RSRC1: variants seen among roughly 807,000 people sequenced by gnomAD.
RSRC1 encodes the protein serine/Arginine-related protein 53.
In RSRC1, 39 loss-of-function variants were observed where a neutral mutation model predicts 49.1. The observed-to-expected ratio is 0.79, with a 90% CI of 0.61 to 1.04. The LOEUF is 1.04. Among genes scored for constraint, RSRC1 ranks in the 50% least tolerant of loss-of-function variants. The pLI is 0.00. For missense variants in RSRC1, 388 were observed against 402.4 expected (o/e 0.96, Z 0.31); for synonymous variants, 143 against 130.8 (o/e 1.09, Z -0.63).
intron 6 of RSRC1, among the ~76,000 whole-genome samples, chr3:158,387,422 A>G (rs1733025969): frequency 6.6e-6 from 1 of 152,168 alleles, no homozygotes; most frequent in African/African-American, 2.4e-5. Context: ...GAAACAGCCT[A>G]TCAGTCAAAT....
chr3:158,313,082 T>C (rs1008721892), intron 5 of RSRC1, among the ~76,000 whole-genome samples: 4 of 152,140 alleles, frequency 2.6e-5, no homozygotes, highest in Non-Finnish European at 5.9e-5. Flanking sequence ...GTTCAAAATA[T>C]GGTATACCAA....
intron 3 of RSRC1, among the ~76,000 whole-genome samples, chr3:158,163,070 C>T (rs1277383493): frequency 6.6e-6 from 1 of 152,126 alleles, no homozygotes; most frequent in Non-Finnish European, 1.5e-5. Context: ...GTGGCGTGAT[C>T]TCAGGTCACT....
At chr3:158,316,095 C>G (rs12635395) in intron 5 of RSRC1, among the ~76,000 whole-genome samples, 18,478 of 151,806 alleles carry the variant, frequency 0.12, 1,389 homozygotes, top group Middle Eastern at 0.2. Context: ...TCACTTGAAC[C>G]CAGGAGGTGG....
intron 6 of RSRC1, among the ~76,000 whole-genome samples, chr3:158,403,338 G>A (rs1355715340): frequency 1.3e-5 from 2 of 151,790 alleles, no homozygotes; most frequent in Non-Finnish European, 3.0e-5. Flanking sequence ...TTGAAGCTTT[G>A]CATTCAGTGT....
chr3:158,389,131 C>G (rs1733136770), intron 6 of RSRC1, among the ~76,000 whole-genome samples: 1 of 152,062 alleles, frequency 6.6e-6, no homozygotes, highest in Non-Finnish European at 1.5e-5. Flanking sequence ...TGATGTTGCC[C>G]CCTTCCCTCT....
intron 6 of RSRC1, among the ~76,000 whole-genome samples, chr3:158,357,926 G>C (rs182500940): frequency 6.6e-5 from 10 of 152,296 alleles, no homozygotes; most frequent in African/African-American, 2.4e-4. Context: ...GAAATCCTAC[G>C]ATTAGACTTA....
chr3:158,253,935 G>A (rs1433808466), intron 4 of RSRC1, among the ~76,000 whole-genome samples: 1 of 151,956 alleles, frequency 6.6e-6, no homozygotes, highest in Non-Finnish European at 1.5e-5. Flanking sequence ...CCCACAACAG[G>A]CCCTGGTGTG....
chr3:158,333,102 G>A (rs1369422508), intron 5 of RSRC1, among the ~76,000 whole-genome samples: 1 of 151,914 alleles, frequency 6.6e-6, no homozygotes, highest in Non-Finnish European at 1.5e-5. Flanking sequence ...CCAAGTAGCT[G>A]GGACTACAGG....
At chr3:158,376,815 G>A (rs1167951953) in intron 6 of RSRC1, among the ~76,000 whole-genome samples, 1 of 151,988 alleles carries the variant, frequency 6.6e-6, no homozygotes, top group African/African-American at 2.4e-5. Flanking sequence ...TTGGTTGGAC[G>A]GGGAAGTTGG....
intron 3 of RSRC1, among the ~76,000 whole-genome samples, chr3:158,181,343 G>A (rs543813765): frequency 6.6e-5 from 10 of 152,192 alleles, no homozygotes; most frequent in East Asian, 1.9e-4. Flanking sequence ...TGGCTTAGAT[G>A]TGGAGTTCTG....
intron 6 of RSRC1, among the ~76,000 whole-genome samples, chr3:158,417,576 T>G (rs1206857351): frequency 6.6e-6 from 1 of 151,992 alleles, no homozygotes; most frequent in Non-Finnish European, 1.5e-5. Flanking sequence ...TTAGGTCATT[T>G]GCAAATTTTA....
intron 6 of RSRC1, among the ~76,000 whole-genome samples, chr3:158,423,458 C>A: frequency 6.6e-6 from 1 of 152,112 alleles, no homozygotes; most frequent in Non-Finnish European, 1.5e-5. Flanking sequence ...GTACCAGTAC[C>A]ATGCTGTTTT....
At chr3:158,288,392 G>C (rs989047959) in intron 4 of RSRC1, among the ~76,000 whole-genome samples, 2 of 152,300 alleles carry the variant, frequency 1.3e-5, no homozygotes, top group African/African-American at 4.8e-5. Flanking sequence ...ACGGTGAATA[G>C]CTTGCATCTC....
intron 3 of RSRC1, among the ~76,000 whole-genome samples, chr3:158,140,909 C>T (rs1357843525): frequency 6.6e-6 from 1 of 152,140 alleles, no homozygotes; most frequent in Admixed American, 6.5e-5. Context: ...TTTAAAATGA[C>T]TCTCCTGTAA....
intron 7 of RSRC1, among the ~76,000 whole-genome samples, chr3:158,531,617 G>C (rs1159035666): frequency 6.6e-6 from 1 of 151,508 alleles, no homozygotes; most frequent in Admixed American, 6.6e-5. Context: ...TAATAGAAAA[G>C]CCCTATTCCA....
intron 3 of RSRC1, among the ~76,000 whole-genome samples, chr3:158,179,861 T>TGA (rs1372725296): frequency 2.6e-5 from 4 of 152,332 alleles, no homozygotes; most frequent in Admixed American, 2.6e-4. Context: ...TAGCACTATA[T>TGA]GAGCTATCCA....
rs1411204915 is a variant in RSRC1, at chr3:158,477,822, A to ATATATATATATATC, written c.652+16824_652+16825insATATATATCTATAT. Among the ~76,000 whole-genome samples, 7 of 134,624 alleles carry ATATATATATATATC rather than the reference A, an allele frequency of 5.2e-5. 1 individual carries two copies. The highest frequency in any genetic ancestry group is 1.9e-4 in the African/African-American group (7 of 36,808). 88.3% of individuals were successfully genotyped at this position (134,624 alleles called of 152,430 possible). A position where few individuals can be genotyped will look rare whatever the true frequency, so the allele number is the denominator to read the frequency against. On this transcript the variant is annotated intron_variant, in intron 7 of 9. Coordinates refer to ENST00000611884, the MANE Select transcript of RSRC1 (RefSeq NM_001271838.2). Reference sequence around the variant, plus strand: ...TTTATATATATATATATATATATATATATATGAAAGCCCTATGATAATATA... The same window carrying ATATATATATATATC: ...TTTATATATATATATATATATATATATATATATATATATCTATATGAAAGCCCTATGATAATATA...
intron 1 of RSRC1, among the ~76,000 whole-genome samples, chr3:158,118,792 T>C (rs1715048542): frequency 6.6e-6 from 1 of 152,208 alleles, no homozygotes; most frequent in Non-Finnish European, 1.5e-5. Flanking sequence ...TATTTAAGGT[T>C]TGGACTTGTC....
chr3:158,516,550 G>A (rs1344957888), intron 7 of RSRC1, among the ~76,000 whole-genome samples: 2 of 152,172 alleles, frequency 1.3e-5, no homozygotes, highest in Non-Finnish European at 2.9e-5. Context: ...CTGTCTTTTT[G>A]TTGTCTGTGC....
Sources: allele counts gnomAD v4.1 joint callset (sites outside exome capture counted in the v4.1 genomes callset), GRCh38; gene constraint gnomAD v4.1.1; transcripts MANE v1.5; gene names NCBI Gene and HGNC (gene_info 2026-07-23, HGNC 2026-07-21).